Variants in MEF2C observed in about 807,000 individuals in gnomAD.
MEF2C encodes the protein myocyte-specific enhancer factor 2C.
Under a neutral mutation model 50.5 loss-of-function variants are expected in MEF2C, and 6 were observed. That is an observed-to-expected ratio of 0.12 (90% confidence interval 0.07 to 0.23). The LOEUF is 0.23. Ranked by LOEUF, MEF2C falls within the 10% of genes least tolerant of loss-of-function variation. The pLI is 1.00. For synonymous variants in MEF2C, 183 were observed against 228.0 expected, an observed-to-expected ratio of 0.80 and a Z score of 1.78; for missense variants, 276 against 605.0, an observed-to-expected ratio of 0.46 and a Z score of 5.70.
intron 3 of MEF2C, chr5:88,766,873 TCC>T: frequency 2.1e-6 from 2 of 953,966 alleles, no homozygotes; most frequent in Non-Finnish European, 2.5e-6. Context: ...TAGTTTCCTT[TCC>T]TCTGATCCTG....
intron 4 of MEF2C, among the ~76,000 whole-genome samples, chr5:88,755,388 A>G (rs564960222): frequency 1.7e-3 from 261 of 152,358 alleles, no homozygotes; most frequent in Non-Finnish European, 1.8e-3. Flanking sequence ...CTAGTGACTG[A>G]GTCTGTTGCT....
intron 6 of MEF2C, among the ~76,000 whole-genome samples, chr5:88,747,030 T>C (rs1770054199): frequency 1.3e-5 from 2 of 152,204 alleles, no homozygotes; most frequent in South Asian, 2.1e-4. Flanking sequence ...ATACCTATGG[T>C]AGAGGTCCTG....
At chr5:88,749,783 C>T (rs1771727632) in intron 5 of MEF2C, among the ~76,000 whole-genome samples, 1 of 152,176 alleles carries the variant, frequency 6.6e-6, no homozygotes. Flanking sequence ...GTAATCCCAG[C>T]ACTTTGGGAG....
chr5:88,850,237 G>T (rs1406877621), intron 1 of MEF2C, among the ~76,000 whole-genome samples: 1 of 152,046 alleles, frequency 6.6e-6, no homozygotes, highest in East Asian at 1.9e-4. Context: ...AGCTTAAAAA[G>T]GATAATGATT....
chr5:88,866,169 T>C (rs1224367643), intron 1 of MEF2C, among the ~76,000 whole-genome samples: 2 of 152,248 alleles, frequency 1.3e-5, no homozygotes, highest in African/African-American at 4.8e-5. Context: ...GTGCTGGGAT[T>C]ACAGGAGTGA....
chr5:88,786,055 A>G (rs1790724384), intron 3 of MEF2C, among the ~76,000 whole-genome samples: 1 of 152,160 alleles, frequency 6.6e-6, no homozygotes, highest in Non-Finnish European at 1.5e-5. Flanking sequence ...TTTTTAGTTA[A>G]GCAGTTTTCT....
intron 1 of MEF2C, among the ~76,000 whole-genome samples, chr5:88,837,459 T>C (rs528540215): frequency 6.6e-6 from 1 of 152,284 alleles, no homozygotes; most frequent in East Asian, 1.9e-4. Context: ...TACTGCACAG[T>C]GGAAAGAAAG....
At chr5:88,781,583 C>T (rs1788054865) in intron 3 of MEF2C, among the ~76,000 whole-genome samples, 1 of 152,078 alleles carries the variant, frequency 6.6e-6, no homozygotes, top group African/African-American at 2.4e-5. Flanking sequence ...AAGGGCAGGG[C>T]TTTTATTATA....
intron 4 of MEF2C, among the ~76,000 whole-genome samples, chr5:88,760,716 G>T (rs748198664): frequency 4.6e-5 from 7 of 152,192 alleles, no homozygotes; most frequent in Admixed American, 2.0e-4. Context: ...GTGTTTAAAA[G>T]ATTGTGTAAA....
intron 1 of MEF2C, among the ~76,000 whole-genome samples, chr5:88,855,204 C>T (rs1247413538): frequency 6.6e-6 from 1 of 152,064 alleles, no homozygotes; most frequent in Admixed American, 6.5e-5. Context: ...AAGAGTTTTG[C>T]TAAGTGCTAT....
intron 3 of MEF2C, among the ~76,000 whole-genome samples, chr5:88,779,061 A>ATC (rs1333366134): frequency 1.8e-4 from 27 of 152,240 alleles, no homozygotes; most frequent in African/African-American, 5.8e-4. Flanking sequence ...AATTGAAACT[A>ATC]AATAAAGTTG....
At chr5:88,866,331 G>A (rs1827370686) in intron 1 of MEF2C, among the ~76,000 whole-genome samples, 2 of 152,288 alleles carry the variant, frequency 1.3e-5, no homozygotes, top group East Asian at 3.9e-4. Flanking sequence ...TTACTAATAT[G>A]AACTGTGGAA....
intron 6 of MEF2C, among the ~76,000 whole-genome samples, chr5:88,745,999 T>A (rs1474111200): frequency 1.3e-5 from 2 of 152,230 alleles, no homozygotes; most frequent in African/African-American, 4.8e-5. Flanking sequence ...GCAGTTTAGA[T>A]GTCTACTGTT....
chr5:88,816,864 C>T (rs73770407), intron 2 of MEF2C, among the ~76,000 whole-genome samples: 2,058 of 151,852 alleles, frequency 0.014, 51 homozygotes, highest in African/African-American at 0.047. Context: ...GAGGTATTTG[C>T]AGGCTTATTT....
intron 4 of MEF2C, among the ~76,000 whole-genome samples, chr5:88,756,049 A>T (rs1399504069): frequency 6.6e-6 from 1 of 152,258 alleles, no homozygotes; most frequent in Non-Finnish European, 1.5e-5. Flanking sequence ...AAATATAATT[A>T]TGGTATCAGA....
At chr5:88,865,323 C>G (rs1826938767) in intron 1 of MEF2C, among the ~76,000 whole-genome samples, 1 of 152,180 alleles carries the variant, frequency 6.6e-6, no homozygotes, top group African/African-American at 2.4e-5. Context: ...TACCAAAGAT[C>G]AGTTACAGCC....
At chr5:88,846,290 A>G (rs1819322610) in intron 1 of MEF2C, among the ~76,000 whole-genome samples, 1 of 152,094 alleles carries the variant, frequency 6.6e-6, no homozygotes, top group Admixed American at 6.5e-5. Context: ...CTGGTCTTGA[A>G]GTCCTGACCT....
At chr5:88,890,821 C>A (rs1459137100) in intron 1 of MEF2C, among the ~76,000 whole-genome samples, 1 of 152,174 alleles carries the variant, frequency 6.6e-6, no homozygotes, top group Non-Finnish European at 1.5e-5. Flanking sequence ...CACCCAGACA[C>A]CTAATTTTTT....
At chr5:88,860,220 G>T (rs1476660986) in intron 1 of MEF2C, among the ~76,000 whole-genome samples, 2 of 152,106 alleles carry the variant, frequency 1.3e-5, no homozygotes, top group African/African-American at 4.8e-5. Context: ...AGAAATGAAT[G>T]AAGTACCTTC....
Sources: gnomAD v4.1 joint callset for allele counts (sites outside exome capture counted in the v4.1 genomes callset) on GRCh38, gnomAD v4.1.1 for gene constraint, MANE v1.5 for transcripts, NCBI Gene and HGNC (gene_info 2026-07-23, HGNC 2026-07-21) for gene names.